Variants in PROZ observed in about 807,000 individuals in gnomAD.
PROZ encodes protein Z, vitamin K dependent plasma glycoprotein.
Under a neutral mutation model 34.9 loss-of-function variants are expected in PROZ, and 46 were observed. The ratio of observed to expected loss-of-function variants is 1.32; its 90% confidence interval spans 1.04 to 1.69. The LOEUF (loss-of-function observed/expected upper bound fraction) is 1.69. PROZ is among the 40% of genes most tolerant of loss of function. PROZ has a pLI of 0.00. For missense variants in PROZ, 530 were observed against 520.4 expected (o/e 1.02, Z -0.18); for synonymous variants, 195 against 208.5 (o/e 0.94, Z 0.56).
At chr13:113,164,854 T>G in intron 5 of PROZ, 199 bp from the exon 6 acceptor site, 1 of 956,286 alleles carries the variant, frequency 1.0e-6, no homozygotes, top group Non-Finnish European at 1.6e-6. Flanking sequence ...CACTCTGAGC[T>G]AAACCATGAG....
At chr13:113,170,662 G>T in intron 7 of PROZ, 132 bp downstream of exon 7, 1 of 670,980 alleles carries the variant, frequency 1.5e-6, no homozygotes. Flanking sequence ...CAATAAAACT[G>T]AGATACTTAT....
At chr13:113,164,697 C>A in intron 5 of PROZ, 53 bp downstream of exon 5, 1 of 1,606,600 alleles carries the variant, frequency 6.2e-7, no homozygotes, top group South Asian at 1.1e-5. Flanking sequence ...CGACCCCGTC[C>A]ACATCCTCCT....
intron 3 of PROZ, 109 bp from the exon 4 acceptor site, chr13:113,162,900 T>TCCTCCCC: frequency 4.2e-6 from 1 of 240,442 alleles, no homozygotes; most frequent in Non-Finnish European, 7.7e-6. Flanking sequence ...CACCCCCCAC[T>TCCTCCCC]CCATCCTCCT....
At position 113,158,832 on chromosome 13, in the gene PROZ, C is replaced by T. The variant is rs2036708142; in HGVS notation, c.70+102C>T. 1 of 1,146,748 alleles carries T rather than the reference C, an allele frequency of 8.7e-7. No homozygotes were observed. Among genetic ancestry groups the T allele is most frequent in the African/African-American group, 1.5e-5 (1 of 65,310 alleles). 71.0% of individuals were successfully genotyped at this position (1,146,748 alleles called of 1,614,324 possible). Reference sequence around the variant, plus strand: ...AGGCTTTTTCCAGGAGCCAGAGGAGCCCTGAGTGCCCAGACTAGTCTTAAT... The same window carrying T: ...AGGCTTTTTCCAGGAGCCAGAGGAGTCCTGAGTGCCCAGACTAGTCTTAAT... On this transcript the variant is annotated intron_variant, in intron 1 of 7. Coordinates refer to ENST00000375547, the MANE Select transcript of PROZ (RefSeq NM_003891.3). This position sits in a 1 kb window ranked among gnomAD's most constrained non-coding sequence, Gnocchi z 4.3.
In PROZ at chr13:113,171,523, G is replaced by A; in HGVS notation, c.692-71G>A. The stretch of plus-strand genomic sequence containing the variant: ...TCTCCCTCCTCACGTGGCTCCCTGA[G>A]AAGCTCGTTTGAGCATTATGTCCCC... On this transcript the variant is annotated intron_variant, in intron 7 of 7. Transcript: ENST00000375547. The surrounding 1 kb of genome is among the most constrained non-coding windows in gnomAD (Gnocchi z 5.1). 1 of 1,600,798 alleles carries A rather than the reference G, an allele frequency of 6.2e-7. No individual in the cohort carries two copies. Among genetic ancestry groups the A allele is most frequent in the Non-Finnish European group, 8.5e-7 (1 of 1,173,060 alleles).
intron 3 of PROZ, 69 bp from the exon 4 acceptor site, chr13:113,162,940 C>T (rs1420942099): frequency 2.1e-6 from 2 of 935,592 alleles, no homozygotes; most frequent in East Asian, 3.1e-5. Context: ...CTGTCACCAC[C>T]CCCACCCTCC....
At chr13:113,166,535 C>T (rs1055563117) in intron 6 of PROZ, 1 of 152,160 alleles carries the variant, frequency 6.6e-6, no homozygotes, top group African/African-American at 2.4e-5. Flanking sequence ...TGTGGACTGG[C>T]AGAGAACAGG....
chr13:113,160,368 G>A (rs1456191749), intron 2 of PROZ, among the ~76,000 whole-genome samples, 191 bp downstream of exon 2: 3 of 152,186 alleles, frequency 2.0e-5, no homozygotes, highest in Admixed American at 6.5e-5. Flanking sequence ...CCCTACAGCA[G>A]TGAGTGGGGC....
chr13:113,172,015 G>A lies in PROZ; in HGVS notation c.1113G>A (p.Leu371=). The A allele has an allele frequency of 6.2e-7, 1 of 1,613,016 alleles. No homozygotes were observed. The highest frequency in any genetic ancestry group is 8.5e-7 in the Non-Finnish European group (1 of 1,179,906). Residue 371 remains leucine (L), a synonymous_variant, in exon 8 of 8, where the codon CTG becomes CTA. Transcript: ENST00000375547. ...GCTCCTGGTTTCTCACGGGGGTCCTGGGCTCGCAGCCAGTAGGAGGGCAGG... is the reference window on the plus strand; with the variant it reads ...GCTCCTGGTTTCTCACGGGGGTCCTAGGCTCGCAGCCAGTAGGAGGGCAGG... ...HRGSWFLTGV[L]GSQPVGGQAH... is the part of the protein sequence containing the mutation.
Position 113,171,336 on chromosome 13 carries a change from A to G in PROZ, c.692-258A>G, listed in dbSNP as rs2037104877. Among the ~76,000 whole-genome samples, 1 of 152,086 alleles carries G rather than the reference A, an allele frequency of 6.6e-6. No individual in the cohort carries two copies. The highest frequency in any genetic ancestry group is 2.4e-5 in the African/African-American group (1 of 41,412). On this transcript the variant is annotated intron_variant, in intron 7 of 7. Coordinates refer to ENST00000375547, the MANE Select transcript of PROZ (RefSeq NM_003891.3). This position sits in a 1 kb window ranked among gnomAD's most constrained non-coding sequence, Gnocchi z 5.1. ...CTTCCTGCTTTTTAATCATTTCACC[A>G]CACCCCACTGCACTCCAAAACAGAA...
rs2037109950 is a variant in PROZ at position 113,171,490 on chromosome 13, G to A, written c.692-104G>A. Reference sequence around the variant, plus strand: ...GGCGGTGAGCCTGCGGGTCCTCCAGGGCCGGTCTCTCCCTCCTCACGTGGC... The same window carrying A: ...GGCGGTGAGCCTGCGGGTCCTCCAGAGCCGGTCTCTCCCTCCTCACGTGGC... On this transcript the variant is annotated intron_variant, in intron 7 of 7. Coordinates refer to ENST00000375547, the MANE Select transcript of PROZ (RefSeq NM_003891.3). The surrounding 1 kb of genome is among the most constrained non-coding windows in gnomAD (Gnocchi z 5.1). 2.0e-6 allele frequency: 3 copies of A among 1,468,438 alleles called. No individual in the cohort carries two copies. Among genetic ancestry groups the A allele is most frequent in the Non-Finnish European group, 2.8e-6 (3 of 1,070,594 alleles). 91.0% of individuals were successfully genotyped at this position (1,468,438 alleles called of 1,614,324 possible).
chr13:113,172,164 C>A lies in PROZ; in HGVS notation c.*59C>A. 2 of 1,592,044 alleles carry A rather than the reference C, an allele frequency of 1.3e-6. No individual in the cohort carries two copies. The highest frequency in any genetic ancestry group is 1.7e-6 in the Non-Finnish European group (2 of 1,168,146). On this transcript the variant is annotated 3_prime_UTR_variant, in exon 8 of 8. Transcript: ENST00000375547. ...CCGGAAGCGGGATTCCAAGCTGGCACTGCCACTGTGGAGGGCGCTGAAACT... is the reference window on the plus strand; with the variant it reads ...CCGGAAGCGGGATTCCAAGCTGGCAATGCCACTGTGGAGGGCGCTGAAACT...
At chr13:113,164,011 G>A (rs535896518) in intron 4 of PROZ, among the ~76,000 whole-genome samples, 6 of 147,996 alleles carry the variant, frequency 4.1e-5, no homozygotes, top group Admixed American at 6.8e-5. Context: ...ATGGAGTCTC[G>A]CTCTGTCGCC....
chr13:113,168,849 G>A (rs955563286), intron 6 of PROZ, among the ~76,000 whole-genome samples: 7 of 152,150 alleles, frequency 4.6e-5, no homozygotes, highest in African/African-American at 1.2e-4. Flanking sequence ...CCACCTCAGC[G>A]TCTTGAGTAG....
chr13:113,169,953 G>A (rs900852273), intron 6 of PROZ, among the ~76,000 whole-genome samples: 19 of 152,180 alleles, frequency 1.2e-4, no homozygotes, highest in African/African-American at 4.6e-4. Context: ...CAGCCACTGT[G>A]GCCTCCCTGG....
At position 113,171,515 on chromosome 13, in the gene PROZ, C is replaced by A. The variant is rs1291673530; in HGVS notation, c.692-79C>A. ...GGCCGGTCTCTCCCTCCTCACGTGG[C>A]TCCCTGAGAAGCTCGTTTGAGCATT... On this transcript the variant is annotated intron_variant, in intron 7 of 7. Coordinates refer to ENST00000375547, the MANE Select transcript of PROZ (RefSeq NM_003891.3). This position sits in a 1 kb window ranked among gnomAD's most constrained non-coding sequence, Gnocchi z 5.1. The A allele has an allele frequency of 1.3e-6, 2 of 1,586,128 alleles. No individual in the cohort carries two copies. Among genetic ancestry groups the A allele is most frequent in the East Asian group, 4.5e-5 (2 of 44,362 alleles).
chr13:113,163,095 G>C lies in PROZ; in HGVS notation c.346G>C (p.Gly116Arg), dbSNP rs373383854. 1.3e-6 allele frequency: 2 copies of C among 1,555,890 alleles called. No homozygotes were observed. The highest frequency in any genetic ancestry group is 1.2e-5 in the South Asian group (1 of 84,398). Residue 116 changes from glycine to arginine, a missense_variant, in exon 4 of 8, where the codon GGC (glycine) becomes CGC (arginine). Gly to Arg is a moderately radical substitution (Grantham distance 125, BLOSUM62 -2). Transcript: ENST00000375547. ...IWGYTCTCSP[G>R]YEGSNCELAK... is the part of the protein sequence containing the mutation. ...GGGCTACACCTGCACCTGCTCCCCC[G>C]GCTATGAGGGCAGCAACTGCGAGCT...
At chr13:113,164,384 A>G (rs746751113) in intron 4 of PROZ, 129 bp from the exon 5 acceptor site, 10 of 1,048,376 alleles carry the variant, frequency 9.5e-6, no homozygotes, top group South Asian at 1.4e-5. Flanking sequence ...ACATGGACCA[A>G]CACACCAGAA....
chr13:113,167,307 G>A (rs776803850), intron 6 of PROZ, among the ~76,000 whole-genome samples: 6 of 152,200 alleles, frequency 3.9e-5, no homozygotes, highest in Non-Finnish European at 7.3e-5. Flanking sequence ...CTTATGGTAG[G>A]TATTCAACAA....
Sources: gnomAD v4.1 joint callset for allele counts (sites outside exome capture counted in the v4.1 genomes callset) on GRCh38, gnomAD v4.1.1 for gene constraint, Gnocchi (gnomAD v3.1) non-coding constraint, MANE v1.5 for transcripts, NCBI Gene and HGNC (gene_info 2026-07-23, HGNC 2026-07-21) for gene names.